The following ESRRB variants were observed in gnomAD, a reference collection of about 807,000 sequenced individuals.
ESRRB encodes steroid hormone receptor ERR2.
A neutral mutation model predicts 46.0 loss-of-function variants in ESRRB; 16 were observed. That is an observed-to-expected ratio of 0.35 (90% confidence interval 0.24 to 0.53). The LOEUF (loss-of-function observed/expected upper bound fraction) is 0.53, where lower values mean the gene tolerates loss of function less well. Ranked by LOEUF, ESRRB falls within the 20% of genes least tolerant of loss-of-function variation. The probability of loss-of-function intolerance (pLI) is 0.93; values close to 1 mark genes in which losing one functional copy is unlikely to be tolerated. For missense variants in ESRRB, 488 were observed against 607.4 expected (o/e 0.80, Z 2.07); for synonymous variants, 246 against 259.6 (o/e 0.95, Z 0.50).
rs781466757 is a variant in ESRRB at position 76,376,394 on chromosome 14, C to A, written c.-8C>A. 1 of 1,231,686 alleles carries A rather than the reference C, an allele frequency of 8.1e-7. No homozygotes were observed. The highest frequency in any genetic ancestry group is 1.0e-6 in the Non-Finnish European group (1 of 987,938). The allele number at this position is 1,231,686 out of a possible 1,614,324, so 76.3% of individuals were successfully genotyped here. Reference sequence around the variant, plus strand: ...TCTCTACCAACTGGGAATGCTAAAACGGGACTGATGGACGTGTCCGAACTC... The same window carrying A: ...TCTCTACCAACTGGGAATGCTAAAAAGGGACTGATGGACGTGTCCGAACTC... On this transcript the variant is annotated 5_prime_UTR_variant, in exon 1 of 7. Coordinates refer to ENST00000644823, the MANE Select transcript of ESRRB (RefSeq NM_001379180.1). The surrounding 1 kb of genome is among the most constrained non-coding windows in gnomAD (Gnocchi z 4.1).
chr14:76,380,916 C>T (rs995488038), intron 1 of ESRRB, among the ~76,000 whole-genome samples: 1 of 152,244 alleles, frequency 6.6e-6, no homozygotes, highest in African/African-American at 2.4e-5. Context: ...TCTTCCTGAA[C>T]ATCCTGCCTG....
At chr14:76,433,304 C>G (rs920816812) in intron 1 of ESRRB, among the ~76,000 whole-genome samples, 1 of 152,148 alleles carries the variant, frequency 6.6e-6, no homozygotes. Context: ...CCCTCTACCA[C>G]TAATATTTAA....
intron 1 of ESRRB, among the ~76,000 whole-genome samples, chr14:76,340,855 T>C (rs1412557969): frequency 6.6e-6 from 1 of 152,184 alleles, no homozygotes; most frequent in Non-Finnish European, 1.5e-5. Flanking sequence ...AAGAGGAATA[T>C]GCTTCTGCAG....
At chr14:76,353,154 C>T (rs1224087790) in intron 1 of ESRRB, among the ~76,000 whole-genome samples, 2 of 152,210 alleles carry the variant, frequency 1.3e-5, no homozygotes, top group East Asian at 1.9e-4. Context: ...CCGGAGAGTC[C>T]GGGAGTTGAA....
chr14:76,332,562 TTTATATATTTATATA>T (rs1284617357), intron 1 of ESRRB, among the ~76,000 whole-genome samples: 3 of 28,918 alleles, frequency 1.0e-4, no homozygotes, highest in South Asian at 1.1e-3. Flanking sequence ...ATAATATATA[TTTATATATTTATATA>T]TTATATATTT....
intron 5 of ESRRB, among the ~76,000 whole-genome samples, chr14:76,488,619 T>G (rs1449425878): frequency 6.6e-6 from 1 of 152,224 alleles, no homozygotes; most frequent in Non-Finnish European, 1.5e-5. Context: ...GTCGGGCAGC[T>G]TCTTTGCTGT....
intron 2 of ESRRB, among the ~76,000 whole-genome samples, chr14:76,446,964 G>C (rs1357613587): frequency 1.3e-5 from 2 of 152,154 alleles, no homozygotes; most frequent in Non-Finnish European, 2.9e-5. Context: ...CTGTCACCCT[G>C]TGTCTCTCTC....
At chr14:76,455,600 T>C (rs1888572270) in intron 2 of ESRRB, among the ~76,000 whole-genome samples, 1 of 152,202 alleles carries the variant, frequency 6.6e-6, no homozygotes, top group African/African-American at 2.4e-5. Flanking sequence ...TCTTTCCTTC[T>C]TTGGGAAAGC....
rs567026114 is a variant in ESRRB at position 76,498,792 on chromosome 14, C to G, written c.*334C>G. On this transcript the variant is annotated 3_prime_UTR_variant, in exon 7 of 7. Transcript: ENST00000644823. ...GGAGCAAGTGCCCTCTCCCCTCCAC[C>G]GAGCCACCAAGAGGCAGCATGTGCA... The G allele has an allele frequency of 4.8e-6, 3 of 622,086 alleles. No homozygotes were observed. Among genetic ancestry groups the G allele is most frequent in the Non-Finnish European group, 9.2e-6 (3 of 327,554 alleles). 38.5% of individuals were successfully genotyped at this position (622,086 alleles called of 1,614,324 possible).
chr14:76,322,195 C>T (rs913573311), intron 1 of ESRRB, among the ~76,000 whole-genome samples: 1 of 152,162 alleles, frequency 6.6e-6, no homozygotes, highest in African/African-American at 2.4e-5. Flanking sequence ...GCTTTGATTC[C>T]CCAAGTCCCT....
At chr14:76,394,049 C>A (rs1595075110) in intron 1 of ESRRB, among the ~76,000 whole-genome samples, 2 of 150,156 alleles carry the variant, frequency 1.3e-5, no homozygotes, top group Non-Finnish European at 3.0e-5. Context: ...GATCTACCCT[C>A]CTCAGCCTCC....
In ESRRB at chr14:76,482,993, A is replaced by G. The variant is rs1009586372; in HGVS notation, c.850+234A>G. 2.6e-5 allele frequency among the ~76,000 whole-genome samples: 4 copies of G among 152,164 alleles called. No homozygotes were observed. The highest frequency in any genetic ancestry group is 9.7e-5 in the African/African-American group (4 of 41,424). ...TGCTGCAGGCTCTTCAGAATTAGTT[A>G]TCATTCGAGGCGGGGCCATGTTTGG... is the stretch of plus-strand genomic sequence containing the variant. On this transcript the variant is annotated intron_variant, in intron 5 of 6. Transcript: ENST00000644823. The surrounding 1 kb of genome is among the most constrained non-coding windows in gnomAD (Gnocchi z 4.3).
chr14:76,459,835 C>G (rs1364418240), intron 2 of ESRRB, among the ~76,000 whole-genome samples: 1 of 152,120 alleles, frequency 6.6e-6, no homozygotes. Flanking sequence ...TGACCTCCAG[C>G]TCCCTCCCTG....
At chr14:76,403,964 C>A (rs1886054277) in intron 1 of ESRRB, among the ~76,000 whole-genome samples, 1 of 152,138 alleles carries the variant, frequency 6.6e-6, no homozygotes, top group African/African-American at 2.4e-5. Context: ...GGTGATCCAC[C>A]CACCTCGGCC....
rs143856558 is a variant in ESRRB at position 76,312,324 on chromosome 14, TA to T, written c.2+1409del. 3.3e-3 allele frequency among the ~76,000 whole-genome samples: 504 copies of T among 152,334 alleles called. 4 individuals carry two copies. The highest frequency in any genetic ancestry group is 0.012 in the African/African-American group (479 of 41,580). ...TAGAGAAGCAATTTGATATCATTTT[TA>T]TTTTGACTGTTCTGAAACTTTAACT... On this transcript the variant is annotated intron_variant, in intron 1 of 6. Transcript: ENST00000512784.
chr14:76,354,475 G>C (rs1035095106), intron 1 of ESRRB, among the ~76,000 whole-genome samples: 5 of 152,054 alleles, frequency 3.3e-5, no homozygotes, highest in Admixed American at 2.6e-4. Context: ...GGGAGGACAA[G>C]TGCATTAGTC....
At chr14:76,342,099 A>C (rs1435125750) in intron 1 of ESRRB, among the ~76,000 whole-genome samples, 1 of 152,216 alleles carries the variant, frequency 6.6e-6, no homozygotes. Context: ...ACAGAGAAGG[A>C]TAAGGTGAAG....
chr14:76,457,964 T>G (rs1057505102), intron 2 of ESRRB, among the ~76,000 whole-genome samples: 9 of 152,184 alleles, frequency 5.9e-5, no homozygotes, highest in Admixed American at 2.0e-4. Context: ...TGTGAGCCAC[T>G]GCGCCTGGCC....
At position 76,498,307 on chromosome 14, in the gene ESRRB, A is replaced by C; in HGVS notation, c.1214A>C (p.Glu405Ala). 1 of 1,602,654 alleles carries C rather than the reference A, an allele frequency of 6.2e-7. No individual in the cohort carries two copies. The highest frequency in any genetic ancestry group is 8.5e-7 in the Non-Finnish European group (1 of 1,173,134). The stretch of plus-strand genomic sequence containing the variant: ...GACTACGAGCTGAGCCAGCGCCATG[A>C]GGAGCCCTGGAGGACGGGCAAGCTG... ...LQDYELSQRH[E>A]EPWRTGKLLL... The change falls in exon 7 of 7, where the codon GAG becomes GCG. Residue 405 changes from glutamate (E) to alanine (A), a missense_variant. Coordinates refer to ENST00000644823, the MANE Select transcript of ESRRB (RefSeq NM_001379180.1).
Sources: allele counts gnomAD v4.1 joint callset (sites outside exome capture counted in the v4.1 genomes callset), GRCh38; gene constraint gnomAD v4.1.1; non-coding constraint Gnocchi (gnomAD v3.1); transcripts MANE v1.5; gene names NCBI Gene and HGNC (gene_info 2026-07-23, HGNC 2026-07-21).